The following COL22A1 variants were observed in gnomAD, a reference collection of about 807,000 sequenced individuals.
The protein encoded by COL22A1 is collagen type XXII alpha 1 chain, also known as collagen alpha-1(XXII) chain.
Under a neutral mutation model 248.9 loss-of-function variants are expected in COL22A1, and 221 were observed. The observed-to-expected ratio is 0.89, with a 90% CI of 0.80 to 0.99. The LOEUF (loss-of-function observed/expected upper bound fraction) is 0.99. COL22A1 is among the 50% of genes least tolerant of loss of function. The pLI, the probability that COL22A1 is intolerant of heterozygous loss-of-function variation, is 0.00. For synonymous variants in COL22A1, 891 were observed against 793.4 expected (o/e 1.12, Z -2.07); for missense variants, 2,240 against 2,179.0 (o/e 1.03, Z -0.56).
chr8:138,775,060 G>T (rs1382152174), intron 16 of COL22A1, among the ~76,000 whole-genome samples: 5 of 152,150 alleles, frequency 3.3e-5, no homozygotes, highest in Non-Finnish European at 7.3e-5. Context: ...GTAAATTAAG[G>T]TTGAAGAACA....
intron 23 of COL22A1, among the ~76,000 whole-genome samples, chr8:138,732,209 A>T (rs546696769): frequency 6.6e-6 from 1 of 152,192 alleles, no homozygotes; most frequent in African/African-American, 2.4e-5. Flanking sequence ...CCTTTTATAG[A>T]TGAGAATATT....
intron 10 of COL22A1, among the ~76,000 whole-genome samples, chr8:138,806,175 A>AGTGT (rs1563788956): frequency 4.2e-5 from 3 of 71,898 alleles, no homozygotes; most frequent in Non-Finnish European, 9.5e-5. Flanking sequence ...TGATGGTGTA[A>AGTGT]GTAATGGTGT....
At chr8:138,630,902 C>T (rs572894091) in intron 49 of COL22A1, among the ~76,000 whole-genome samples, 154 bp from the exon 50 acceptor site, 53 of 152,308 alleles carry the variant, frequency 3.5e-4, no homozygotes, top group African/African-American at 1.2e-3. Flanking sequence ...TAGGTGGGCC[C>T]TGGTGGGAGG....
chr8:138,829,575 T>C (rs1455489621), intron 5 of COL22A1, among the ~76,000 whole-genome samples: 1 of 151,880 alleles, frequency 6.6e-6, no homozygotes, highest in African/African-American at 2.4e-5. Flanking sequence ...GGCTAATGTT[T>C]TCTGTTTTTA....
At chr8:138,762,762 G>GTTC (rs59258382) in intron 16 of COL22A1, among the ~76,000 whole-genome samples, 84,821 of 151,898 alleles carry the variant, frequency 0.56, 25,391 homozygotes, top group East Asian at 0.8. Flanking sequence ...TCATCTCACG[G>GTTC]TTCATGGGGG....
intron 10 of COL22A1, among the ~76,000 whole-genome samples, chr8:138,806,205 GGCAT>G (rs1817710623): frequency 2.0e-5 from 2 of 98,698 alleles, no homozygotes; most frequent in Non-Finnish European, 4.4e-5. Context: ...TGTGTGTGAT[GGCAT>G]GTGTATGTGT....
At chr8:138,731,436 A>G (rs904645911) in intron 23 of COL22A1, among the ~76,000 whole-genome samples, 2 of 152,090 alleles carry the variant, frequency 1.3e-5, no homozygotes, top group African/African-American at 4.8e-5. Context: ...GAAGAAGGTG[A>G]TAGGGGGAGG....
intron 7 of COL22A1, among the ~76,000 whole-genome samples, chr8:138,816,933 C>T (rs926088792): frequency 6.6e-6 from 1 of 152,216 alleles, no homozygotes; most frequent in Non-Finnish European, 1.5e-5. Context: ...CTTCATTATT[C>T]TCTATTGCCT....
At chr8:138,764,732 G>A (rs1396162129) in intron 16 of COL22A1, among the ~76,000 whole-genome samples, 1 of 152,188 alleles carries the variant, frequency 6.6e-6, no homozygotes, top group African/African-American at 2.4e-5. Context: ...GCTGAGGCAG[G>A]CAAATCACCT....
intron 47 of COL22A1, among the ~76,000 whole-genome samples, chr8:138,641,863 T>A (rs1301199041): frequency 2.0e-5 from 3 of 152,090 alleles, no homozygotes; most frequent in African/African-American, 7.2e-5. Context: ...CATCTTCACA[T>A]CCCCAAGTCT....
chr8:138,823,333 G>GC (rs1246620694), intron 6 of COL22A1, among the ~76,000 whole-genome samples: 4 of 152,212 alleles, frequency 2.6e-5, no homozygotes, highest in African/African-American at 4.8e-5. Context: ...AGGCATCACA[G>GC]CAGTGAAACC....
intron 24 of COL22A1, 138 bp downstream of exon 24, chr8:138,725,249 G>A (rs754756173): frequency 2.0e-5 from 18 of 890,454 alleles, no homozygotes; most frequent in Non-Finnish European, 3.2e-5. Context: ...TCTACGTGTC[G>A]GGGTCCTCCT....
intron 4 of COL22A1, among the ~76,000 whole-genome samples, chr8:138,838,791 T>G (rs1820638793): frequency 6.6e-6 from 1 of 152,032 alleles, no homozygotes. Context: ...AGCAATTGTT[T>G]TATGCAAAAA....
intron 3 of COL22A1, among the ~76,000 whole-genome samples, chr8:138,851,082 G>C (rs16909696): frequency 0.067 from 10,207 of 152,300 alleles, 487 homozygotes; most frequent in African/African-American, 0.14. Flanking sequence ...GAAGCCAACA[G>C]AGAGAGGCAA....
intron 35 of COL22A1, among the ~76,000 whole-genome samples, chr8:138,691,791 GGTGT>G (rs140211148): frequency 1.1e-4 from 13 of 119,210 alleles, no homozygotes; most frequent in African/African-American, 2.4e-4. Flanking sequence ...TGTTTGTGGA[GGTGT>G]GTGTGTGTAC....
chr8:138,838,387 G>C (rs188879734), intron 4 of COL22A1, among the ~76,000 whole-genome samples: 270 of 152,210 alleles, frequency 1.8e-3, no homozygotes, highest in African/African-American at 6.3e-3. Context: ...AATCTGGGCG[G>C]ACACGTGCCT....
At chr8:138,798,323 G>T (rs1816720994) in intron 11 of COL22A1, among the ~76,000 whole-genome samples, 1 of 151,498 alleles carries the variant, frequency 6.6e-6, no homozygotes, top group South Asian at 2.1e-4. Flanking sequence ...TTTTCTACAG[G>T]TCTCCTGTCC....
Position 138,594,332 on chromosome 8 carries a change from C to T in COL22A1, c.4433-133G>A, listed in dbSNP as rs1467241355. ...AAACGGACATAGGACAGGATGGCTA[C>T]TCACTGACAACTCAGAACCAAGGGG... On this transcript the variant is annotated intron_variant, in intron 62 of 64. Transcript: ENST00000303045. 5 of 676,586 alleles carry T rather than the reference C, an allele frequency of 7.4e-6. No homozygotes were observed. In the African/African-American group the frequency reaches 9.7e-5, roughly 13 times the overall value. The allele number at this position is 676,586 out of a possible 1,614,324, so 41.9% of individuals were successfully genotyped here.
At chr8:138,803,459 C>T (rs1189419930) in intron 10 of COL22A1, among the ~76,000 whole-genome samples, 1 of 152,076 alleles carries the variant, frequency 6.6e-6, no homozygotes, top group East Asian at 1.9e-4. Flanking sequence ...GGGCATGGCA[C>T]ATGTATACAT....
Sources: gnomAD v4.1 joint callset for allele counts (sites outside exome capture counted in the v4.1 genomes callset) on GRCh38, gnomAD v4.1.1 for gene constraint, MANE v1.5 for transcripts, NCBI Gene and HGNC (gene_info 2026-07-23, HGNC 2026-07-21) for gene names.